The following ADAM18 variants were observed in gnomAD, a reference collection of about 807,000 sequenced individuals.
The protein encoded by ADAM18 is ADAM metallopeptidase domain 18.
In ADAM18, 117 loss-of-function variants were observed where a neutral mutation model predicts 94.4. The observed-to-expected ratio is 1.24, with a 90% CI of 1.07 to 1.45. The LOEUF is 1.45. ADAM18 is among the 40% of genes most tolerant of loss of function. The pLI, the probability that ADAM18 is intolerant of heterozygous loss-of-function variation, is 0.00. For missense variants in ADAM18, 936 were observed against 880.0 expected (o/e 1.06, Z -0.81); for synonymous variants, 327 against 291.6 (o/e 1.12, Z -1.24).
chr8:39,650,751 C>T (rs577757858), intron 12 of ADAM18, among the ~76,000 whole-genome samples: 26 of 152,058 alleles, frequency 1.7e-4, no homozygotes, highest in Non-Finnish European at 3.2e-4. Flanking sequence ...TATCAAAATC[C>T]CAATAACATT....
intron 18 of ADAM18, among the ~76,000 whole-genome samples, chr8:39,713,819 A>AG (rs1822491469): frequency 6.6e-6 from 1 of 152,140 alleles, no homozygotes; most frequent in Admixed American, 6.6e-5. Context: ...GTGGAGAAAT[A>AG]GAACGCTTTT....
At chr8:39,615,951 C>T (rs1312920032) in intron 6 of ADAM18, among the ~76,000 whole-genome samples, 2 of 152,130 alleles carry the variant, frequency 1.3e-5, no homozygotes, top group African/African-American at 4.8e-5. Context: ...AACACAATCT[C>T]ATTCACATTA....
chr8:39,600,607 G>A (rs1818872649), intron 2 of ADAM18, among the ~76,000 whole-genome samples: 1 of 152,178 alleles, frequency 6.6e-6, no homozygotes, highest in Non-Finnish European at 1.5e-5. Context: ...TGCTATTTCT[G>A]TGGATAACTG....
chr8:39,621,038 A>C (rs1429081472), intron 6 of ADAM18, among the ~76,000 whole-genome samples: 1 of 152,128 alleles, frequency 6.6e-6, no homozygotes, highest in Non-Finnish European at 1.5e-5. Flanking sequence ...GGAAAATGTG[A>C]TAATGGACTG....
intron 12 of ADAM18, among the ~76,000 whole-genome samples, chr8:39,663,244 A>G (rs1290840571): frequency 6.6e-6 from 1 of 151,980 alleles, no homozygotes; most frequent in Non-Finnish European, 1.5e-5. Flanking sequence ...GCTATTTTAG[A>G]TGTTATTTCT....
Position 39,610,519 on chromosome 8 carries a change from A to G in ADAM18, c.345-10A>G, listed in dbSNP as rs1819240339. The G allele has an allele frequency of 3.8e-6, 6 of 1,589,314 alleles. No individual in the cohort carries two copies. The African/African-American group carries it at 5.4e-5, about 14-fold the overall frequency. Reference sequence around the variant, plus strand: ...TTATAACTATTTTCTTATGCCTTCTAAATTTTCAGGGGATTTCTCCAGTTT... The same window carrying G: ...TTATAACTATTTTCTTATGCCTTCTGAATTTTCAGGGGATTTCTCCAGTTT... On this transcript the variant is annotated splice_polypyrimidine_tract_variant and intron_variant, in intron 5 of 19. Coordinates refer to ENST00000265707, the MANE Select transcript of ADAM18 (RefSeq NM_014237.3).
intron 18 of ADAM18, among the ~76,000 whole-genome samples, chr8:39,722,673 A>G (rs1336278021): frequency 1.3e-5 from 2 of 151,510 alleles, no homozygotes; most frequent in African/African-American, 2.4e-5. Context: ...TCCTTAATCT[A>G]TTTTTCAAAG....
At chr8:39,701,950 T>C (rs1280419826) in intron 17 of ADAM18, among the ~76,000 whole-genome samples, 4 of 152,204 alleles carry the variant, frequency 2.6e-5, no homozygotes, top group African/African-American at 9.7e-5. Flanking sequence ...AATGCACATA[T>C]GCCTGCATGT....
At chr8:39,619,587 A>G (rs1226365779) in intron 6 of ADAM18, among the ~76,000 whole-genome samples, 1 of 152,178 alleles carries the variant, frequency 6.6e-6, no homozygotes, top group African/African-American at 2.4e-5. Context: ...TATCATTTCT[A>G]TATGCCAATA....
At chr8:39,684,217 A>C (rs776418269) in intron 16 of ADAM18, among the ~76,000 whole-genome samples, 89 of 152,128 alleles carry the variant, frequency 5.9e-4, no homozygotes, top group Non-Finnish European at 1.1e-3. Context: ...ACATCTGTGA[A>C]ATGATCACTA....
chr8:39,715,904 G>A (rs75305878), intron 18 of ADAM18, among the ~76,000 whole-genome samples: 2,409 of 152,062 alleles, frequency 0.016, 74 homozygotes, highest in African/African-American at 0.055. Context: ...ATACCTTTGA[G>A]GAAATAGAAG....
At chr8:39,699,635 T>C (rs766762565) in intron 17 of ADAM18, among the ~76,000 whole-genome samples, 3 of 152,186 alleles carry the variant, frequency 2.0e-5, no homozygotes, top group Non-Finnish European at 4.4e-5. Context: ...GCAATACTTA[T>C]AAATCACAGT....
Position 39,637,353 on chromosome 8 carries a change from C to A in ADAM18, c.660+18C>A. 1 of 1,581,944 alleles carries A rather than the reference C, an allele frequency of 6.3e-7. No homozygotes were observed. The highest frequency in any genetic ancestry group is 8.6e-7 in the Non-Finnish European group (1 of 1,165,508). On this transcript the variant is annotated intron_variant, in intron 8 of 19. Transcript: ENST00000265707. ...TCAACACTGTAAGTTTTTACTTTTT[C>A]ACATTTCCATTTTCATGAAAGTTTC... is the stretch of plus-strand genomic sequence containing the variant.
chr8:39,697,984 A>C (rs2129581021), intron 17 of ADAM18, among the ~76,000 whole-genome samples: 1 of 151,952 alleles, frequency 6.6e-6, no homozygotes, highest in South Asian at 2.1e-4. Context: ...ATCTTTCTTA[A>C]GTTTTGGACA....
At chr8:39,692,921 A>G (rs1249077251) in intron 17 of ADAM18, among the ~76,000 whole-genome samples, 1 of 151,678 alleles carries the variant, frequency 6.6e-6, no homozygotes, top group East Asian at 1.9e-4. Flanking sequence ...TTCTTCTTCA[A>G]CACAAATAAA....
intron 14 of ADAM18, among the ~76,000 whole-genome samples, chr8:39,676,744 G>T (rs549202615): frequency 2.6e-5 from 4 of 152,182 alleles, no homozygotes; most frequent in Non-Finnish European, 4.4e-5. Context: ...ACTGGGAGCT[G>T]CAGACTGGAG....
rs138642383 is a variant in ADAM18, at chr8:39,588,618, C to G, written c.132+3266C>G. ...AGTATACATATGGAAGCCATAGTGC[C>G]ATTGTTGGTTCAACACTGGGAAACA... is the stretch of plus-strand genomic sequence containing the variant. On this transcript the variant is annotated intron_variant, in intron 2 of 19. Transcript: ENST00000265707. Among the ~76,000 whole-genome samples the G allele has an allele frequency of 6.2e-5, 9 of 146,030 alleles. No homozygotes were observed. In the East Asian group the frequency reaches 2.0e-3, roughly 33 times the overall value.
chr8:39,661,888 T>A (rs948821842), intron 12 of ADAM18, among the ~76,000 whole-genome samples: 42 of 151,334 alleles, frequency 2.8e-4, no homozygotes, highest in African/African-American at 9.9e-4. Flanking sequence ...CGACAAAGAC[T>A]ACCTAGAACA....
intron 17 of ADAM18, among the ~76,000 whole-genome samples, chr8:39,696,264 A>G (rs72642824): frequency 0.32 from 37,879 of 118,296 alleles, 5,890 homozygotes; most frequent in Middle Eastern, 0.42. Flanking sequence ...TTTTAGAATT[A>G]TTTATATATT....
Sources: allele counts gnomAD v4.1 joint callset (sites outside exome capture counted in the v4.1 genomes callset), GRCh38; gene constraint gnomAD v4.1.1; transcripts MANE v1.5; gene names NCBI Gene and HGNC (gene_info 2026-07-23, HGNC 2026-07-21).